ZC3HAV1: variants seen among roughly 807,000 people sequenced by gnomAD.
ZC3HAV1 encodes the protein zinc finger CCCH-type containing, antiviral 1.
In ZC3HAV1, 41 loss-of-function variants were observed where a neutral mutation model predicts 86.6. The ratio of observed to expected loss-of-function variants is 0.47; its 90% CI spans 0.37 to 0.61. ZC3HAV1 has a LOEUF of 0.61. Ranked by LOEUF, ZC3HAV1 falls within the 20% of genes least tolerant of loss-of-function variation. The pLI, the probability that ZC3HAV1 is intolerant of heterozygous loss-of-function variation, is 0.00. For synonymous variants in ZC3HAV1, 421 were observed against 432.1 expected (o/e 0.97, Z 0.32); for missense variants, 964 against 1,141.1 (o/e 0.84, Z 2.24).
rs550313876 is a variant in ZC3HAV1, at chr7:139,047,346, A to T, written c.*248T>A. Reference sequence around the variant, plus strand: ...TCAGTCTCAAAAAAAAAAAAAAAAAAAAAAATACAACTGCCTGGCGCTGAC... The same window carrying T: ...TCAGTCTCAAAAAAAAAAAAAAAAATAAAAATACAACTGCCTGGCGCTGAC... On this transcript the variant is annotated 3_prime_UTR_variant, in exon 13 of 13. Transcript: ENST00000242351. The T allele has an allele frequency of 8.7e-6, 3 of 346,192 alleles. No individual in the cohort carries two copies. Among genetic ancestry groups the T allele is most frequent in the African/African-American group, 2.7e-5 (1 of 37,284 alleles). 21.4% of individuals were successfully genotyped at this position (346,192 alleles called of 1,614,324 possible).
intron 7 of ZC3HAV1, among the ~76,000 whole-genome samples, chr7:139,065,336 G>A (rs1816567162): frequency 1.3e-5 from 2 of 152,152 alleles, no homozygotes; most frequent in Admixed American, 1.3e-4. Context: ...TGCCACGCCG[G>A]CATCTGTCAT....
At chr7:139,093,997 C>T (rs1817507239) in intron 1 of ZC3HAV1, among the ~76,000 whole-genome samples, 3 of 152,150 alleles carry the variant, frequency 2.0e-5, no homozygotes, top group African/African-American at 7.2e-5. Context: ...TGAAAGTCTC[C>T]CGTGGCCTCT....
At position 139,055,190 on chromosome 7, in the gene ZC3HAV1, T is replaced by A. The variant is rs147880822; in HGVS notation, c.2187+15A>T. ...TTTTAACAGACTCATCCACCAAACA[T>A]GTAAAACCAAGTACCTTATATTTCT... On this transcript the variant is annotated intron_variant, in intron 10 of 12. Coordinates refer to ENST00000242351, the MANE Select transcript of ZC3HAV1 (RefSeq NM_020119.4). The A allele has an allele frequency of 1.1e-4, 173 of 1,605,734 alleles. No individual in the cohort carries two copies. In the East Asian group the frequency reaches 3.8e-3, roughly 35 times the overall value.
chr7:139,046,372 A>G lies in ZC3HAV1; in HGVS notation c.*1222T>C, dbSNP rs1055057723. Reference sequence around the variant, plus strand: ...TCTTGGCTCACTTGCCAAGACTACAATAGCACTCGCGTTTATCAGTTATGC... The same window carrying G: ...TCTTGGCTCACTTGCCAAGACTACAGTAGCACTCGCGTTTATCAGTTATGC... On this transcript the variant is annotated 3_prime_UTR_variant, in exon 13 of 13. Transcript: ENST00000242351. 14 of 152,206 alleles carry G rather than the reference A, an allele frequency of 9.2e-5. No individual in the cohort carries two copies. The highest frequency in any genetic ancestry group is 2.6e-4 in the Admixed American group (4 of 15,276). The allele number at this position is 152,206 out of a possible 1,614,324, so 9.4% of individuals were successfully genotyped here.
intron 1 of ZC3HAV1, among the ~76,000 whole-genome samples, chr7:139,091,758 T>G (rs1403673095): frequency 6.6e-6 from 1 of 151,988 alleles, no homozygotes; most frequent in Admixed American, 6.6e-5. Flanking sequence ...GATACACACT[T>G]GAGACACCGT....
chr7:139,065,022 G>A (rs201488464), intron 7 of ZC3HAV1, 23 bp from the exon 8 acceptor site: 39 of 1,613,584 alleles, frequency 2.4e-5, no homozygotes, highest in Admixed American at 5.0e-5. Flanking sequence ...AAAATAAAAG[G>A]TAAAGTCAGG....
chr7:139,054,842 C>T (rs1403972456), intron 10 of ZC3HAV1, among the ~76,000 whole-genome samples: 1 of 152,158 alleles, frequency 6.6e-6, no homozygotes, highest in East Asian at 1.9e-4. Flanking sequence ...GGCAGGAGTG[C>T]AGTGGCGCGA....
Position 139,060,078 on chromosome 7 carries a change from T to C in ZC3HAV1, c.2096+958A>G, listed in dbSNP as rs199976479. The stretch of plus-strand genomic sequence containing the variant: ...GAAAGAATCTTTGACTCTAGGCTGC[T>C]GCAGTTCTAAAGCAGAATAGGAAGC... On this transcript the variant is annotated intron_variant, in intron 9 of 12. Coordinates refer to ENST00000242351, the MANE Select transcript of ZC3HAV1 (RefSeq NM_020119.4). Among the ~76,000 whole-genome samples, 621 of 152,336 alleles carry C rather than the reference T, an allele frequency of 4.1e-3. 5 individuals are homozygous for C. Among genetic ancestry groups the C allele is most frequent in the African/African-American group, 0.015 (607 of 41,576 alleles).
intron 7 of ZC3HAV1, 68 bp from the exon 8 acceptor site, chr7:139,065,067 T>A: frequency 6.3e-7 from 1 of 1,594,360 alleles, no homozygotes; most frequent in Non-Finnish European, 8.6e-7. Context: ...GTTATATGAT[T>A]TCGTTTTAGC....
At chr7:139,079,437 T>C in intron 4 of ZC3HAV1, 33 bp downstream of exon 4, 1 of 1,614,048 alleles carries the variant, frequency 6.2e-7, no homozygotes, top group Non-Finnish European at 8.5e-7. Flanking sequence ...TGAACAAATG[T>C]ACTAGCCCAA....
At chr7:139,084,610 G>A (rs776415700) in intron 2 of ZC3HAV1, among the ~76,000 whole-genome samples, 1 of 152,186 alleles carries the variant, frequency 6.6e-6, no homozygotes, top group Non-Finnish European at 1.5e-5. Context: ...GGAGGATGCT[G>A]GTTTTAAAAT....
chr7:139,051,272 G>T (rs1584834393), intron 12 of ZC3HAV1, among the ~76,000 whole-genome samples: 1 of 151,904 alleles, frequency 6.6e-6, no homozygotes, highest in African/African-American at 2.4e-5. Context: ...TGACCAGGCT[G>T]GTCTTGAACT....
At chr7:139,093,230 C>A (rs1817483199) in intron 1 of ZC3HAV1, among the ~76,000 whole-genome samples, 1 of 151,960 alleles carries the variant, frequency 6.6e-6, no homozygotes, top group Non-Finnish European at 1.5e-5. Context: ...AAAACCCAAG[C>A]CGGAAAAATG....
At chr7:139,053,149 G>C (rs556595751) in intron 12 of ZC3HAV1, among the ~76,000 whole-genome samples, 2 of 152,286 alleles carry the variant, frequency 1.3e-5, no homozygotes, top group East Asian at 3.9e-4. Context: ...AGCCAGAAGT[G>C]AGTAGTAATG....
chr7:139,076,135 G>A, intron 6 of ZC3HAV1, 151 bp downstream of exon 6: 1 of 1,275,414 alleles, frequency 7.8e-7, no homozygotes. Context: ...AACTCGGCAG[G>A]CATTTGCCAT....
At chr7:139,102,587 T>C (rs1460749340) in intron 1 of ZC3HAV1, among the ~76,000 whole-genome samples, 1 of 152,120 alleles carries the variant, frequency 6.6e-6, no homozygotes, top group Non-Finnish European at 1.5e-5. Context: ...TGTCTAAATA[T>C]TTAACAGTAA....
chr7:139,076,268 G>T lies in ZC3HAV1; in HGVS notation c.1697+18C>A. The T allele has an allele frequency of 6.2e-7, 1 of 1,614,096 alleles. No individual in the cohort carries two copies. The highest frequency in any genetic ancestry group is 8.5e-7 in the Non-Finnish European group (1 of 1,179,978). The stretch of plus-strand genomic sequence containing the variant: ...TAATGTTGGACTCTTGAAAGCCAGA[G>T]TACAGCCACCAACTTACAGGTGGAT... On this transcript the variant is annotated intron_variant, in intron 6 of 12. Coordinates refer to ENST00000242351, the MANE Select transcript of ZC3HAV1 (RefSeq NM_020119.4).
intron 1 of ZC3HAV1, among the ~76,000 whole-genome samples, chr7:139,098,893 A>G (rs1817678462): frequency 6.6e-6 from 1 of 152,168 alleles, no homozygotes; most frequent in African/African-American, 2.4e-5. Flanking sequence ...AAGTAGCCGC[A>G]GGAAAAGCTC....
chr7:139,101,380 T>C (rs1584874763), intron 1 of ZC3HAV1, among the ~76,000 whole-genome samples: 4 of 117,858 alleles, frequency 3.4e-5, no homozygotes, highest in African/African-American at 1.0e-4. Context: ...CCGGCCGCCA[T>C]CCCGTCTAGG....
Sources: gnomAD v4.1 joint callset for allele counts (sites outside exome capture counted in the v4.1 genomes callset) on GRCh38, gnomAD v4.1.1 for gene constraint, MANE v1.5 for transcripts, NCBI Gene and HGNC (gene_info 2026-07-23, HGNC 2026-07-21) for gene names.